Variants in PPARD observed in about 807,000 individuals in gnomAD.
PPARD encodes peroxisome proliferator-activated receptor delta.
Under a neutral mutation model 39.5 loss-of-function variants are expected in PPARD, and 6 were observed. The observed-to-expected ratio is 0.15, with a 90% confidence interval of 0.08 to 0.30. The LOEUF (loss-of-function observed/expected upper bound fraction) is 0.30. Ranked by LOEUF, PPARD falls within the 10% of genes least tolerant of loss-of-function variation. The pLI, the probability that PPARD is intolerant of heterozygous loss-of-function variation, is 1.00. For missense variants in PPARD, 397 were observed against 596.8 expected (o/e 0.67, Z 3.49); for synonymous variants, 210 against 231.3 (o/e 0.91, Z 0.83).
intron 2 of PPARD, among the ~76,000 whole-genome samples, chr6:35,352,178 T>C (rs1322789491): frequency 1.3e-5 from 2 of 151,170 alleles, no homozygotes; most frequent in Non-Finnish European, 2.9e-5. Context: ...GCCAGTTCTT[T>C]TTTGTTTTGT....
chr6:35,426,924 G>C lies in PPARD; in HGVS notation c.*845G>C, dbSNP rs200717927. The C allele has an allele frequency of 1.3e-5, 2 of 152,396 alleles. No homozygotes were observed. Among genetic ancestry groups the C allele is most frequent in the Non-Finnish European group, 2.9e-5 (2 of 68,156 alleles). The allele number at this position is 152,396 out of a possible 1,614,324, so 9.4% of individuals were successfully genotyped here. ...ACGGCACTCTCCCAGCTTGGAAGTA[G>C]GCAGGGTTCCCTCCAGGTGGGCCCC... On this transcript the variant is annotated 3_prime_UTR_variant, in exon 8 of 8. Transcript: ENST00000360694.
rs536552124 is a variant in PPARD at position 35,425,588 on chromosome 6, A to T, written c.1079-244A>T. Among the ~76,000 whole-genome samples the T allele has an allele frequency of 3.3e-5, 5 of 150,688 alleles. No individual in the cohort carries two copies. Among genetic ancestry groups the T allele is most frequent in the Non-Finnish European group, 7.4e-5 (5 of 67,658 alleles). On this transcript the variant is annotated intron_variant, in intron 7 of 7. Coordinates refer to ENST00000360694, the MANE Select transcript of PPARD (RefSeq NM_006238.5). This position sits in a 1 kb window ranked among gnomAD's most constrained non-coding sequence, Gnocchi z 4.5. ...TTTGAATTAAGCATTGAGTCTCTTA[A>T]CCACAATACTACGTTGCCTAATCGG...
intron 2 of PPARD, among the ~76,000 whole-genome samples, chr6:35,357,578 C>T (rs1311075149): frequency 6.6e-6 from 1 of 151,820 alleles, no homozygotes; most frequent in Non-Finnish European, 1.5e-5. Context: ...ACTCTGTGCC[C>T]CAGGCTGGAG....
At chr6:35,409,790 T>C (rs1429195103) in intron 2 of PPARD, among the ~76,000 whole-genome samples, 1 of 152,170 alleles carries the variant, frequency 6.6e-6, no homozygotes, top group Non-Finnish European at 1.5e-5. Context: ...TGTGTAGCCT[T>C]AACATGTTTT....
At chr6:35,410,652 C>T (rs1244186487) in intron 2 of PPARD, among the ~76,000 whole-genome samples, 3 of 152,106 alleles carry the variant, frequency 2.0e-5, no homozygotes, top group Admixed American at 2.0e-4. Context: ...TGGGAAAAGC[C>T]CCTCAAGTCA....
At chr6:35,405,632 G>T (rs1437226371) in intron 2 of PPARD, among the ~76,000 whole-genome samples, 1 of 151,338 alleles carries the variant, frequency 6.6e-6, no homozygotes, top group Non-Finnish European at 1.5e-5. Flanking sequence ...CTGTATTGTG[G>T]TTGTTGTTGT....
intron 2 of PPARD, among the ~76,000 whole-genome samples, chr6:35,357,048 A>G (rs1461062856): frequency 3.3e-5 from 5 of 152,232 alleles, no homozygotes. Flanking sequence ...TATGTTTCTC[A>G]GGGTGTGCTT....
At chr6:35,390,099 C>A (rs1202628487) in intron 2 of PPARD, among the ~76,000 whole-genome samples, 1 of 152,216 alleles carries the variant, frequency 6.6e-6, no homozygotes, top group African/African-American at 2.4e-5. Context: ...GCCCTGTGTT[C>A]TCGGCTGCGT....
chr6:35,395,049 G>T (rs1418521552), intron 2 of PPARD, among the ~76,000 whole-genome samples: 1 of 152,078 alleles, frequency 6.6e-6, no homozygotes, highest in Non-Finnish European at 1.5e-5. Flanking sequence ...CAGCACTAAT[G>T]CTCTCTCCAC....
At chr6:35,420,316 G>A (rs199871330) in intron 4 of PPARD, 35 bp downstream of exon 4, 6 of 1,523,038 alleles carry the variant, frequency 3.9e-6, no homozygotes, top group Non-Finnish European at 4.4e-6. Flanking sequence ...TGGCCACTGA[G>A]GCTGTGGTCA....
rs1250086700 is a variant in PPARD at position 35,401,400 on chromosome 6, C to T, written c.-101-9587C>T. Among the ~76,000 whole-genome samples, 1 of 152,174 alleles carries T rather than the reference C, an allele frequency of 6.6e-6. No individual in the cohort carries two copies. The highest frequency in any genetic ancestry group is 2.4e-5 in the African/African-American group (1 of 41,444). ...CTGTTCTCATCTTCAGTCTGTTCTC[C>T]ACAGCAGCCTGAAAAGTCTTTGTAA... On this transcript the variant is annotated intron_variant, in intron 2 of 7. Coordinates refer to ENST00000360694, the MANE Select transcript of PPARD (RefSeq NM_006238.5). The surrounding 1 kb of genome is among the most constrained non-coding windows in gnomAD (Gnocchi z 4.1).
chr6:35,370,528 G>A (rs1379600162), intron 2 of PPARD, among the ~76,000 whole-genome samples: 3 of 152,194 alleles, frequency 2.0e-5, no homozygotes. Flanking sequence ...GGCCCAGTCT[G>A]CCCCCATCTG....
intron 2 of PPARD, among the ~76,000 whole-genome samples, chr6:35,405,027 G>A (rs1356761839): frequency 6.6e-6 from 1 of 150,610 alleles, no homozygotes; most frequent in Non-Finnish European, 1.5e-5. Context: ...GTCAGAATTG[G>A]AATAGTCCAG....
rs1482316199 is a variant in PPARD, at chr6:35,424,379, G to T, written c.678G>T (p.Leu226=). 3.1e-6 allele frequency: 5 copies of T among 1,613,726 alleles called. No homozygotes were observed. The highest frequency in any genetic ancestry group is 4.2e-6 in the Non-Finnish European group (5 of 1,179,816). The change falls in exon 7 of 8, where the codon CTG becomes CTT. Residue 226 remains leucine (L), a synonymous_variant. Transcript: ENST00000360694. The surrounding 1 kb of genome is among the most constrained non-coding windows in gnomAD (Gnocchi z 7.1). ...CATTGTGGCAGGCAGAGAAGGGGCT[G>T]GTGTGGAAGCAGTTGGTGAATGGCC... ...IETLWQAEKG[L]VWKQLVNGLP...
intron 2 of PPARD, among the ~76,000 whole-genome samples, chr6:35,391,935 G>C (rs372074692): frequency 6.3e-4 from 96 of 152,152 alleles, no homozygotes; most frequent in African/African-American, 2.2e-3. Context: ...ATGCCAAGCT[G>C]CCTCCTTTGT....
At chr6:35,392,231 C>T (rs1237005465) in intron 2 of PPARD, among the ~76,000 whole-genome samples, 1 of 151,428 alleles carries the variant, frequency 6.6e-6, no homozygotes, top group African/African-American at 2.4e-5. Flanking sequence ...TAACGCAGCA[C>T]GGAAGTATTT....
At chr6:35,370,296 C>T (rs547856848) in intron 2 of PPARD, among the ~76,000 whole-genome samples, 1 of 152,216 alleles carries the variant, frequency 6.6e-6, no homozygotes, top group African/African-American at 2.4e-5. Context: ...TTTCCTGTTG[C>T]CCTTAGAAAG....
At chr6:35,346,316 A>G (rs533563987) in intron 1 of PPARD, among the ~76,000 whole-genome samples, 1 of 152,256 alleles carries the variant, frequency 6.6e-6, no homozygotes, top group Admixed American at 6.5e-5. Context: ...TGCAGGACAC[A>G]GCTTTACTGC....
Position 35,426,121 on chromosome 6 carries a change from C to A in PPARD, c.*42C>A. On this transcript the variant is annotated 3_prime_UTR_variant, in exon 8 of 8. Transcript: ENST00000360694. ...TCCCTGCAGACTCCAATGGGGCCAG[C>A]ACTGGAGGGGCCCACCCACATGACT... 6.3e-7 allele frequency: 1 copy of A among 1,591,184 alleles called. No homozygotes were observed. The highest frequency in any genetic ancestry group is 8.5e-7 in the Non-Finnish European group (1 of 1,172,648).
Sources: allele counts gnomAD v4.1 joint callset (sites outside exome capture counted in the v4.1 genomes callset), GRCh38; gene constraint gnomAD v4.1.1; non-coding constraint Gnocchi (gnomAD v3.1); transcripts MANE v1.5; gene names NCBI Gene and HGNC (gene_info 2026-07-23, HGNC 2026-07-21).